ECRG4: variants seen among roughly 807,000 people sequenced by gnomAD.
ECRG4 encodes ECRG4 augurin precursor, also known as augurin.
In ECRG4, 18 loss-of-function variants were observed where a neutral mutation model predicts 15.8. That is an observed-to-expected ratio of 1.14 (90% confidence interval 0.79 to 1.69). ECRG4 has a LOEUF of 1.69. Ranked by LOEUF, ECRG4 falls within the 40% of genes most tolerant of loss-of-function variation. ECRG4 has a pLI of 0.00. For missense variants in ECRG4, 200 were observed against 190.9 expected, an observed-to-expected ratio of 1.05 and a Z score of -0.28; for synonymous variants, 82 against 73.9, an observed-to-expected ratio of 1.11 and a Z score of -0.56.
chr2:106,064,810 A>G (rs944468143), upstream of ECRG4, among the ~76,000 whole-genome samples: 5 of 152,188 alleles, frequency 3.3e-5, no homozygotes, highest in African/African-American at 1.2e-4. Flanking sequence ...CCTGGAGAGA[A>G]TAATTAGGTG....
intron 1 of ECRG4, among the ~76,000 whole-genome samples, chr2:106,069,707 G>A (rs1057306059): frequency 1.1e-4 from 17 of 152,204 alleles, no homozygotes; most frequent in African/African-American, 2.9e-4. Context: ...ATGTTTGGGC[G>A]CTAGTCCTCT....
Position 106,070,767 on chromosome 2 carries a change from C to T in ECRG4, c.80-1077C>T, listed in dbSNP as rs560510689. On this transcript the variant is annotated intron_variant, in intron 1 of 3. Coordinates refer to ENST00000238044, the MANE Select transcript of ECRG4 (RefSeq NM_032411.3). ...AAAACTGTGCCTTGGCAGATGCAAA[C>T]GCAATTTTACATGCCTTTCTAGACC... 20 of 308,366 alleles carry T rather than the reference C, an allele frequency of 6.5e-5. 1 individual carries two copies. The highest frequency in any genetic ancestry group is 3.5e-4 in the African/African-American group (16 of 45,794). 19.1% of individuals were successfully genotyped at this position (308,366 alleles called of 1,614,324 possible).
At chr2:106,069,167 TC>T (rs1558655750) in intron 1 of ECRG4, among the ~76,000 whole-genome samples, 1 of 148,470 alleles carries the variant, frequency 6.7e-6, no homozygotes, top group Admixed American at 6.7e-5. Flanking sequence ...TTTCTTTCTT[TC>T]TTTTTTCTTT....
At chr2:106,074,535 A>G (rs111456642) in intron 3 of ECRG4, among the ~76,000 whole-genome samples, 1,546 of 152,356 alleles carry the variant, frequency 0.01, 33 homozygotes, top group African/African-American at 0.035. Context: ...CAATGCACTT[A>G]TAGGAAAAGA....
At chr2:106,067,694 G>T (rs1676255300) in intron 1 of ECRG4, among the ~76,000 whole-genome samples, 1 of 152,054 alleles carries the variant, frequency 6.6e-6, no homozygotes, top group Non-Finnish European at 1.5e-5. Flanking sequence ...TGTTGGTCAG[G>T]CTGGTCTCAA....
chr2:106,065,882 AG>A (rs1206096181), intron 1 of ECRG4, 39 bp downstream of exon 1: 1 of 1,450,150 alleles, frequency 6.9e-7, no homozygotes, highest in Non-Finnish European at 9.0e-7. Flanking sequence ...TAGCGGCACC[AG>A]GGGTTGGCCC....
chr2:106,065,829 T>TAG lies in ECRG4; in HGVS notation c.65_66insAG (p.Cys23GlyfsTer8), dbSNP rs1340551807. The TAG allele has an allele frequency of 6.7e-7, 1 of 1,483,428 alleles. No homozygotes were observed. Among genetic ancestry groups the TAG allele is most frequent in the African/African-American group, 1.5e-5 (1 of 68,302 alleles). 91.9% of individuals were successfully genotyped at this position (1,483,428 alleles called of 1,614,324 possible). On this transcript the variant is annotated frameshift_variant, in exon 1 of 4. Coordinates refer to ENST00000238044, the MANE Select transcript of ECRG4 (RefSeq NM_032411.3). LOFTEE classifies it high-confidence loss of function. The stretch of plus-strand genomic sequence containing the variant: ...ACCGGGCTGGCGCTGCTCCTGCTCC[T>TAG]GTGCTGGGGCCCAGGTGAGCGGGGC...
In ECRG4 at chr2:106,067,706, C is replaced by A. The variant is rs944967918; in HGVS notation, c.79+1863C>A. Among the ~76,000 whole-genome samples the A allele has an allele frequency of 1.4e-4, 21 of 152,176 alleles. 1 individual carries two copies. The highest frequency in any genetic ancestry group is 3.2e-3 in the Middle Eastern group (1 of 316). On this transcript the variant is annotated intron_variant, in intron 1 of 3. Transcript: ENST00000238044. The stretch of plus-strand genomic sequence containing the variant: ...CCATGTTGGTCAGGCTGGTCTCAAA[C>A]TGCCGACCTCAGGTGATCCACCAAT...
chr2:106,072,958 A>G (rs544361373), intron 2 of ECRG4, among the ~76,000 whole-genome samples: 3 of 152,226 alleles, frequency 2.0e-5, no homozygotes, highest in Non-Finnish European at 4.4e-5. Context: ...ACACATATTG[A>G]GCAACTACTG....
intron 1 of ECRG4, 36 bp from the exon 2 acceptor site, chr2:106,071,808 T>A (rs751618759): frequency 3.8e-6 from 6 of 1,587,140 alleles, no homozygotes; most frequent in Non-Finnish European, 5.2e-6. Context: ...GGGAGCAGTA[T>A]AACTCTGATA....
intron 1 of ECRG4, among the ~76,000 whole-genome samples, chr2:106,068,594 A>G (rs1337930470): frequency 6.6e-6 from 1 of 152,222 alleles, no homozygotes; most frequent in African/African-American, 2.4e-5. Context: ...CTCATCGCAA[A>G]TGCCTACACG....
Position 106,065,769 on chromosome 2 carries a change from C to A in ECRG4, c.5C>A (p.Ala2Asp). 1 of 1,481,834 alleles carries A rather than the reference C, an allele frequency of 6.7e-7. No homozygotes were observed. The highest frequency in any genetic ancestry group is 8.9e-7 in the Non-Finnish European group (1 of 1,123,042). The allele number at this position is 1,481,834 out of a possible 1,614,324, so 91.8% of individuals were successfully genotyped here. Residue 2 changes from alanine to aspartate, a missense_variant, in exon 1 of 4, where the codon GCT (alanine) becomes GAT (aspartate). By Grantham distance (126) the Ala-to-Asp change is moderately radical. Coordinates refer to ENST00000238044, the MANE Select transcript of ECRG4 (RefSeq NM_032411.3). The stretch of plus-strand genomic sequence containing the variant: ...TCCTGCTCGCGCCCCGCCGCCATGG[C>A]TGCCTCCCCCGCGCGGCCTGCTGTC... Reference protein sequence around the residue: MAASPARPAVLA... With the variant: MDASPARPAVLA...
intron 3 of ECRG4, chr2:106,074,330 C>G (rs1166099910): frequency 6.0e-6 from 2 of 334,870 alleles, no homozygotes; most frequent in African/African-American, 4.1e-5. Flanking sequence ...TTCTCGGGAA[C>G]CCTTTTAACT....
upstream of ECRG4, among the ~76,000 whole-genome samples, chr2:106,065,259 G>T (rs1306887640): frequency 6.6e-6 from 1 of 152,100 alleles, no homozygotes; most frequent in Non-Finnish European, 1.5e-5. Context: ...GAAGAAAGGG[G>T]TGAGGAGTAA....
chr2:106,063,904 T>C (rs770210365), upstream of ECRG4, among the ~76,000 whole-genome samples: 1 of 152,202 alleles, frequency 6.6e-6, no homozygotes, highest in Non-Finnish European at 1.5e-5. Flanking sequence ...AATTTGAATG[T>C]CATATTAGAA....
At chr2:106,073,543 G>A (rs1419792735) in intron 2 of ECRG4, among the ~76,000 whole-genome samples, 3 of 152,180 alleles carry the variant, frequency 2.0e-5, no homozygotes, top group Non-Finnish European at 4.4e-5. Flanking sequence ...TCCTGAATGC[G>A]GAGCCTGAGG....
At chr2:106,068,765 T>G (rs1347161248) in intron 1 of ECRG4, among the ~76,000 whole-genome samples, 1 of 152,258 alleles carries the variant, frequency 6.6e-6, no homozygotes, top group Non-Finnish European at 1.5e-5. Context: ...CTATTATTAG[T>G]GCCAAGGAAC....
upstream of ECRG4, among the ~76,000 whole-genome samples, chr2:106,065,171 T>C (rs946413718): frequency 6.6e-6 from 1 of 152,058 alleles, no homozygotes; most frequent in Non-Finnish European, 1.5e-5. Context: ...AGAGCAGCTC[T>C]GAACTAAGGA....
In ECRG4 at chr2:106,071,905, A is replaced by G. The variant is rs751818780; in HGVS notation, c.127+14A>G. 2.5e-6 allele frequency: 4 copies of G among 1,607,652 alleles called. No homozygotes were observed. Among genetic ancestry groups the G allele is most frequent in the Non-Finnish European group, 2.6e-6 (3 of 1,174,222 alleles). On this transcript the variant is annotated intron_variant, in intron 2 of 3. Coordinates refer to ENST00000238044, the MANE Select transcript of ECRG4 (RefSeq NM_032411.3). The stretch of plus-strand genomic sequence containing the variant: ...AAAAACGAGAAGGTAAATATACCCC[A>G]AATGGATAAGGGATGCATTCTTAAC...
Sources: allele counts gnomAD v4.1 joint callset (sites outside exome capture counted in the v4.1 genomes callset), GRCh38; gene constraint gnomAD v4.1.1; transcripts MANE v1.5; gene names NCBI Gene and HGNC (gene_info 2026-07-23, HGNC 2026-07-21).